Variants in ZNF688 observed in about 807,000 individuals in gnomAD.
The protein encoded by ZNF688 is zinc finger protein 688.
In ZNF688, 10 loss-of-function variants were observed where a neutral mutation model predicts 13.2. That is an observed-to-expected ratio of 0.76 (90% CI 0.47 to 1.28). ZNF688 has a LOEUF of 1.28. ZNF688 is among the 50% of genes most tolerant of loss of function. The pLI is 0.00. For synonymous variants in ZNF688, 160 were observed against 159.4 expected (o/e 1.00, Z -0.03); for missense variants, 381 against 391.4 (o/e 0.97, Z 0.22).
upstream of ZNF688, chr16:30,571,767 G>C: frequency 7.5e-7 from 1 of 1,333,540 alleles, no homozygotes; most frequent in Non-Finnish European, 9.5e-7. Flanking sequence ...GGCAACCGAA[G>C]TAGCAGGGAC....
At position 30,571,422 on chromosome 16, in the gene ZNF688, C is replaced by G; in HGVS notation, c.196+12G>C. 1.3e-6 allele frequency: 2 copies of G among 1,557,372 alleles called. No individual in the cohort carries two copies. The highest frequency in any genetic ancestry group is 1.7e-6 in the Non-Finnish European group (2 of 1,151,294). On this transcript the variant is annotated intron_variant, in intron 1 of 2. Transcript: ENST00000223459. ...GGTGAAGGAGGAGGGGGCTCGGACC[C>G]GGGGCTCTCACCGAGCGCGCCCAGG...
At chr16:30,573,271 A>AT (rs1006868820), upstream of ZNF688, among the ~76,000 whole-genome samples, 17 of 150,278 alleles carry the variant, frequency 1.1e-4, no homozygotes, top group African/African-American at 1.7e-4. Context: ...TCAAATCCTA[A>AT]TTTTTTTTTT....
chr16:30,570,072 T>C lies in ZNF688; in HGVS notation c.675A>G (p.Ala225=). The change falls in exon 3 of 3, where the codon GCA becomes GCG. Residue 225 remains alanine, a synonymous_variant. Transcript: ENST00000223459. The part of the protein sequence containing the change: ...ECGMRFKRKF[A]VEAHQWIHRS... Reference sequence around the variant, plus strand: ...GGTGGATCCACTGGTGCGCTTCCACTGCGAACTTCCTCTTGAAGCGCATGC... The same window carrying C: ...GGTGGATCCACTGGTGCGCTTCCACCGCGAACTTCCTCTTGAAGCGCATGC... The C allele has an allele frequency of 1.9e-6, 3 of 1,611,096 alleles. No individual in the cohort carries two copies. The highest frequency in any genetic ancestry group is 2.5e-6 in the Non-Finnish European group (3 of 1,179,262).
chr16:30,570,934 TG>T, intron 2 of ZNF688, 75 bp downstream of exon 2: 2 of 1,442,074 alleles, frequency 1.4e-6, no homozygotes, highest in Middle Eastern at 1.7e-4. Flanking sequence ...ATGCTGGAAG[TG>T]GGGGCCTGAA....
At chr16:30,576,452 C>T (rs959012755), upstream of ZNF688, among the ~76,000 whole-genome samples, 1 of 152,160 alleles carries the variant, frequency 6.6e-6, no homozygotes, top group African/African-American at 2.4e-5. Context: ...CCTCATGATC[C>T]ACCCACCTCG....
chr16:30,570,982 A>AG, intron 2 of ZNF688, 28 bp downstream of exon 2: 1 of 1,612,752 alleles, frequency 6.2e-7, no homozygotes, highest in Non-Finnish European at 8.5e-7. Context: ...TGGAAAACCA[A>AG]GTGGGGGGAC....
chr16:30,574,172 AG>A (rs1355204440), upstream of ZNF688, among the ~76,000 whole-genome samples: 1 of 152,058 alleles, frequency 6.6e-6, no homozygotes, highest in African/African-American at 2.4e-5. Context: ...CCTTGAACCC[AG>A]GAAGCAGAGG....
chr16:30,576,094 C>T, upstream of ZNF688, among the ~76,000 whole-genome samples: 1 of 152,244 alleles, frequency 6.6e-6, no homozygotes, highest in East Asian at 1.9e-4. Flanking sequence ...GCAGCCTAGG[C>T]TGGAGTGCAG....
rs2051680128 is a variant in ZNF688, at chr16:30,571,425, G to A, written c.196+9C>T. ...GAAGGAGGAGGGGGCTCGGACCCGG[G>A]GCTCTCACCGAGCGCGCCCAGGTGG... On this transcript the variant is annotated intron_variant, in intron 1 of 2. Transcript: ENST00000223459. 3 of 1,559,634 alleles carry A rather than the reference G, an allele frequency of 1.9e-6. No homozygotes were observed. The East Asian group carries it at 7.2e-5, about 38-fold the overall frequency.
upstream of ZNF688, among the ~76,000 whole-genome samples, chr16:30,576,392 A>G (rs1456681662): frequency 6.6e-6 from 1 of 152,178 alleles, no homozygotes; most frequent in Admixed American, 6.5e-5. Flanking sequence ...TTGTATTTTT[A>G]GAAGAGATGG....
At chr16:30,574,788 A>C (rs1350078719), upstream of ZNF688, among the ~76,000 whole-genome samples, 2 of 152,176 alleles carry the variant, frequency 1.3e-5, no homozygotes, top group Non-Finnish European at 2.9e-5. Context: ...CTACTCTGCT[A>C]TTGAACATTA....
In ZNF688 at chr16:30,570,279, A is replaced by G. The variant is rs775424428; in HGVS notation, c.468T>C (p.Asn156=). 1.9e-6 allele frequency: 3 copies of G among 1,613,960 alleles called. No homozygotes were observed. The South Asian group carries it at 3.3e-5, about 18-fold the overall frequency. The change falls in exon 3 of 3, where the codon AAT becomes AAC. Residue 156 remains asparagine (N), a synonymous_variant. Transcript: ENST00000223459. ...CTCCTGTGGTCGGGTCCCAGGCAGC[A>G]TTTTTGGGTGGCTGTGCCCGTGCCG... ...VAPARAQPPK[N]AAWDPTTGAQ... is the part of the protein sequence containing the mutation.
chr16:30,575,643 TCC>T (rs1326058900), upstream of ZNF688, among the ~76,000 whole-genome samples: 1 of 151,884 alleles, frequency 6.6e-6, no homozygotes, highest in Non-Finnish European at 1.5e-5. Context: ...GTGTAGGAGT[TCC>T]CTTCTCTTTT....
upstream of ZNF688, chr16:30,572,397 C>CCGCG (rs1337467060): frequency 8.6e-7 from 1 of 1,162,214 alleles, no homozygotes; most frequent in Admixed American, 3.7e-5. Context: ...ATGTGTACAC[C>CCGCG]CGCGGTAGAA....
chr16:30,576,898 C>A (rs893307080), upstream of ZNF688, among the ~76,000 whole-genome samples: 1 of 151,576 alleles, frequency 6.6e-6, no homozygotes, highest in Non-Finnish European at 1.5e-5. Flanking sequence ...GCCTTCAAGT[C>A]GTTGGAACTA....
At chr16:30,572,080 C>T (rs1445056459), upstream of ZNF688, 1 of 1,491,014 alleles carries the variant, frequency 6.7e-7, no homozygotes, top group African/African-American at 1.4e-5. Context: ...GGAGAGGCTT[C>T]TTGCCTTCAA....
chr16:30,571,614 C>G lies in ZNF688; in HGVS notation c.16G>C (p.Ala6Pro), dbSNP rs2151231834. ...CCGGGCCTCGGCGCCAGGAGCGGGG[C>G]TGGGGGCGGCGCCATGGGGCCTCGC... MAPPP[A>P]PLLAPRPGET... The change falls in exon 1 of 3, where the codon GCC becomes CCC. Residue 6 changes from alanine (A) to proline (P), a missense_variant. Coordinates refer to ENST00000223459, the MANE Select transcript of ZNF688 (RefSeq NM_145271.4). 1 of 1,488,112 alleles carries G rather than the reference C, an allele frequency of 6.7e-7. No individual in the cohort carries two copies. The highest frequency in any genetic ancestry group is 2.7e-5 in the East Asian group (1 of 37,456). 92.2% of individuals were successfully genotyped at this position (1,488,112 alleles called of 1,614,324 possible). A position where few individuals can be genotyped will look rare whatever the true frequency, so the allele number is the denominator to read the frequency against.
At chr16:30,571,413 G>C (rs199653085) in intron 1 of ZNF688, 21 bp downstream of exon 1, 2 of 1,551,330 alleles carry the variant, frequency 1.3e-6, no homozygotes, top group Non-Finnish European at 1.7e-6. Context: ...GGAGGAGGGG[G>C]CTCGGACCCG....
chr16:30,578,510 A>C, the ZNF688 span: 1 of 152,158 alleles, frequency 6.6e-6, no homozygotes, highest in East Asian at 1.9e-4. Context: ...CTGAACTTTA[A>C]GTGGGAGCTG....
Sources: allele counts gnomAD v4.1 joint callset (sites outside exome capture counted in the v4.1 genomes callset), GRCh38; gene constraint gnomAD v4.1.1; transcripts MANE v1.5; gene names NCBI Gene and HGNC (gene_info 2026-07-23, HGNC 2026-07-21).